Variants in PPP3CC observed in about 807,000 individuals in gnomAD.
The protein encoded by PPP3CC is protein phosphatase 3 catalytic subunit gamma.
In PPP3CC, 35 loss-of-function variants were observed where a neutral mutation model predicts 60.3. That is an observed-to-expected ratio of 0.58 (90% confidence interval 0.44 to 0.77). PPP3CC has a LOEUF of 0.77. Among genes scored for constraint, PPP3CC ranks in the 30% least tolerant of loss-of-function variants. The pLI is 0.00. For missense variants in PPP3CC, 570 were observed against 628.9 expected, an observed-to-expected ratio of 0.91 and a Z score of 1.00; for synonymous variants, 206 against 224.3, an observed-to-expected ratio of 0.92 and a Z score of 0.73.
At chr8:22,477,473 C>CA (rs755678527) in intron 3 of PPP3CC, among the ~76,000 whole-genome samples, 143 of 136,380 alleles carry the variant, frequency 1.0e-3, no homozygotes, top group Non-Finnish European at 1.7e-3. Context: ...GACTCTGTCT[C>CA]AAAAAAAAAA....
Position 22,441,433 on chromosome 8 carries a change from C to G in PPP3CC, c.24C>G (p.Leu8=). The change falls in exon 1 of 14, where the codon CTC becomes CTG. Residue 8 remains leucine, a synonymous_variant. Coordinates refer to ENST00000240139, the MANE Select transcript of PPP3CC (RefSeq NM_005605.5). Reference sequence around the variant, plus strand: ...CCATGTCCGGGAGGCGCTTCCACCTCTCCACCACCGACCGCGTCATCAAAG... The same window carrying G: ...CCATGTCCGGGAGGCGCTTCCACCTGTCCACCACCGACCGCGTCATCAAAG... MSGRRFH[L]STTDRVIKAV... 1 of 1,546,282 alleles carries G rather than the reference C, an allele frequency of 6.5e-7. No individual in the cohort carries two copies. Among genetic ancestry groups the G allele is most frequent in the Non-Finnish European group, 8.7e-7 (1 of 1,146,162 alleles).
At chr8:22,482,986 G>A (rs2443502) in intron 3 of PPP3CC, among the ~76,000 whole-genome samples, 84,730 of 152,068 alleles carry the variant, frequency 0.56, 25,024 homozygotes, top group African/African-American at 0.76. Context: ...AAAAAGATAC[G>A]CTTTTTCAAG....
intron 1 of PPP3CC, among the ~76,000 whole-genome samples, chr8:22,465,448 G>C (rs1030017757): frequency 6.6e-6 from 1 of 152,194 alleles, no homozygotes; most frequent in Non-Finnish European, 1.5e-5. Flanking sequence ...AATAAAATAA[G>C]TATGTATTAG....
At chr8:22,535,094 C>T (rs1300227170) in intron 12 of PPP3CC, among the ~76,000 whole-genome samples, 2 of 152,196 alleles carry the variant, frequency 1.3e-5, no homozygotes, top group Non-Finnish European at 2.9e-5. Context: ...TGTGCACCTG[C>T]TGTGCCTCGT....
At chr8:22,531,127 T>G (rs1263447501) in intron 10 of PPP3CC, among the ~76,000 whole-genome samples, 1 of 152,234 alleles carries the variant, frequency 6.6e-6, no homozygotes, top group Non-Finnish European at 1.5e-5. Context: ...AATTTGCAAT[T>G]TAATGTTGTA....
chr8:22,526,919 A>G (rs904891220), intron 8 of PPP3CC, among the ~76,000 whole-genome samples: 1 of 152,228 alleles, frequency 6.6e-6, no homozygotes, highest in Non-Finnish European at 1.5e-5. Flanking sequence ...TGTATCTTCC[A>G]GTATGAGTTG....
intron 4 of PPP3CC, among the ~76,000 whole-genome samples, chr8:22,503,193 C>T (rs1018509262): frequency 2.6e-5 from 4 of 152,110 alleles, no homozygotes; most frequent in Admixed American, 6.6e-5. Context: ...TGGTTAAGAA[C>T]GACGGCTCTG....
chr8:22,469,090 C>T (rs1837635106), intron 1 of PPP3CC, among the ~76,000 whole-genome samples: 1 of 152,012 alleles, frequency 6.6e-6, no homozygotes, highest in Non-Finnish European at 1.5e-5. Flanking sequence ...CGTTGAGTAT[C>T]TATTAGTGGA....
rs79720484 is a variant in PPP3CC at position 22,496,386 on chromosome 8, G to A, written c.373-1615G>A. Among the ~76,000 whole-genome samples, 69 of 139,660 alleles carry A rather than the reference G, an allele frequency of 4.9e-4. No individual in the cohort carries two copies. The East Asian group carries it at 0.014, about 29-fold the overall frequency. The allele number at this position is 139,660 out of a possible 152,430, so 91.6% of individuals were successfully genotyped here. ...CTTTCTTGCATGTTCATTTTTCCAT[G>A]TTAATTTTAGTGTCAACTTGTCTAA... On this transcript the variant is annotated intron_variant, in intron 3 of 13. Coordinates refer to ENST00000240139, the MANE Select transcript of PPP3CC (RefSeq NM_005605.5).
intron 1 of PPP3CC, among the ~76,000 whole-genome samples, chr8:22,450,056 A>T (rs1836963561): frequency 6.6e-6 from 1 of 151,766 alleles, no homozygotes; most frequent in Admixed American, 6.6e-5. Flanking sequence ...TTTTTAGTAG[A>T]GAAGGGGTTT....
At position 22,513,414 on chromosome 8, in the gene PPP3CC, G is replaced by A. The variant is rs774565998; in HGVS notation, c.752G>A (p.Gly251Glu). 5 of 1,605,614 alleles carry A rather than the reference G, an allele frequency of 3.1e-6. No homozygotes were observed. Among genetic ancestry groups the A allele is most frequent in the Non-Finnish European group, 4.2e-6 (5 of 1,177,356 alleles). Residue 251 changes from glycine to glutamate, a missense_variant, in exon 6 of 14, where the codon GGG becomes GAG. By Grantham distance (98) the Gly-to-Glu change is moderately conservative. Transcript: ENST00000240139. ...LEHYTHNTVR[G>E]CSYFYSYPAV... is the part of the protein sequence containing the mutation. Reference sequence around the variant, plus strand: ...CACTATACCCACAACACTGTCCGAGGGTGCTCTTATTTCTACAGGTAAGCT... The same window carrying A: ...CACTATACCCACAACACTGTCCGAGAGTGCTCTTATTTCTACAGGTAAGCT...
intron 1 of PPP3CC, among the ~76,000 whole-genome samples, chr8:22,460,897 G>T (rs1252920177): frequency 2.6e-5 from 4 of 152,130 alleles, no homozygotes; most frequent in African/African-American, 9.7e-5. Flanking sequence ...CCAGGCTGGA[G>T]TGCAGTGGTG....
intron 1 of PPP3CC, among the ~76,000 whole-genome samples, chr8:22,464,601 C>T (rs892013027): frequency 2.0e-5 from 3 of 152,112 alleles, no homozygotes; most frequent in Admixed American, 6.5e-5. Flanking sequence ...AGGCTGGTCT[C>T]GAACTCCTGA....
At chr8:22,532,346 T>C in intron 11 of PPP3CC, 40 bp downstream of exon 11, 11 of 1,510,092 alleles carry the variant, frequency 7.3e-6, no homozygotes, top group Non-Finnish European at 9.2e-6. Context: ...TAAAGGCATT[T>C]TGAGAGTAAA....
intron 3 of PPP3CC, chr8:22,493,194 A>G (rs1217610950): frequency 8.3e-6 from 9 of 1,079,666 alleles, no homozygotes; most frequent in Non-Finnish European, 1.2e-5. Context: ...TTTTTAAGAA[A>G]TTTTTGTTTA....
intron 3 of PPP3CC, among the ~76,000 whole-genome samples, chr8:22,484,080 C>T (rs1838152795): frequency 6.6e-6 from 1 of 151,900 alleles, no homozygotes; most frequent in Non-Finnish European, 1.5e-5. Flanking sequence ...CTTCTGGCCT[C>T]AGGATACCCT....
At chr8:22,464,149 T>C (rs1230270172) in intron 1 of PPP3CC, among the ~76,000 whole-genome samples, 2 of 152,128 alleles carry the variant, frequency 1.3e-5, no homozygotes, top group Admixed American at 1.3e-4. Context: ...ACTTTCCTTA[T>C]GATTTGTGAG....
At chr8:22,485,889 A>AT (rs1447145777) in intron 3 of PPP3CC, among the ~76,000 whole-genome samples, 1 of 152,132 alleles carries the variant, frequency 6.6e-6, no homozygotes, top group Non-Finnish European at 1.5e-5. Context: ...GCCAGTTTTG[A>AT]TTGGTGAGTG....
intron 1 of PPP3CC, among the ~76,000 whole-genome samples, chr8:22,462,626 G>A (rs1383397704): frequency 2.7e-5 from 4 of 150,182 alleles, no homozygotes; most frequent in Admixed American, 1.3e-4. Flanking sequence ...GCTGGAGTGC[G>A]GTGGCACGAT....
Sources: allele counts gnomAD v4.1 joint callset (sites outside exome capture counted in the v4.1 genomes callset), GRCh38; gene constraint gnomAD v4.1.1; transcripts MANE v1.5; gene names NCBI Gene and HGNC (gene_info 2026-07-23, HGNC 2026-07-21).